RFX7: variants seen among roughly 807,000 people sequenced by gnomAD.
RFX7 encodes regulatory factor X7, also known as DNA-binding protein RFX7.
Under a neutral mutation model 111.8 loss-of-function variants are expected in RFX7, and 26 were observed. The observed-to-expected ratio is 0.23, with a 90% confidence interval of 0.17 to 0.32. The LOEUF (loss-of-function observed/expected upper bound fraction) is 0.32. Ranked by LOEUF, RFX7 falls within the 10% of genes least tolerant of loss-of-function variation. RFX7 has a pLI of 1.00. For missense variants in RFX7, 1,573 were observed against 1,772.9 expected (o/e 0.89, Z 2.02); for synonymous variants, 624 against 624.4 (o/e 1.00, Z 0.01).
At chr15:56,113,827 T>C (rs1435666763) in intron 5 of RFX7, among the ~76,000 whole-genome samples, 1 of 152,230 alleles carries the variant, frequency 6.6e-6, no homozygotes, top group African/African-American at 2.4e-5. Context: ...TAGTGAGTCT[T>C]AGTATTCAAA....
At chr15:56,218,539 C>T (rs1461104998) in intron 2 of RFX7, among the ~76,000 whole-genome samples, 2 of 152,170 alleles carry the variant, frequency 1.3e-5, no homozygotes, top group African/African-American at 4.8e-5. Context: ...TATGGGGGTC[C>T]TGGAACCAAT....
At chr15:56,134,838 C>T (rs1225077993) in intron 5 of RFX7, among the ~76,000 whole-genome samples, 25 of 152,030 alleles carry the variant, frequency 1.6e-4, no homozygotes, top group African/African-American at 5.6e-4. Context: ...TTGTTCAATC[C>T]CCACCTATGA....
intron 3 of RFX7, among the ~76,000 whole-genome samples, 179 bp from the exon 4 acceptor site, chr15:56,144,662 A>G (rs1453835776): frequency 6.6e-6 from 1 of 152,158 alleles, no homozygotes; most frequent in Non-Finnish European, 1.5e-5. Flanking sequence ...TTTATTGCAT[A>G]CAAAAATTTA....
chr15:56,119,971 A>G (rs2042055999), intron 5 of RFX7, among the ~76,000 whole-genome samples: 1 of 151,974 alleles, frequency 6.6e-6, no homozygotes, highest in South Asian at 2.1e-4. Flanking sequence ...TTTGCTTAGG[A>G]TATCTCTGGC....
At chr15:56,169,957 C>G (rs1567035411) in intron 3 of RFX7, among the ~76,000 whole-genome samples, 2 of 151,768 alleles carry the variant, frequency 1.3e-5, no homozygotes, top group Non-Finnish European at 2.9e-5. Flanking sequence ...AATGAGTTAT[C>G]TTTACTTATT....
chr15:56,190,108 T>G (rs1347179745), intron 2 of RFX7, among the ~76,000 whole-genome samples: 2 of 152,256 alleles, frequency 1.3e-5, no homozygotes, highest in African/African-American at 4.8e-5. Flanking sequence ...TATATGATTT[T>G]ACTTATATGA....
rs1425672369 is a variant in RFX7, at chr15:56,095,501, C to T, written c.2227G>A (p.Ala743Thr). Residue 743 changes from alanine (A) to threonine (T), a missense_variant, in exon 10 of 10, where the codon GCT (alanine) becomes ACT (threonine). Coordinates refer to ENST00000559447, the MANE Select transcript of RFX7 (RefSeq NM_022841.7). ...NSSALVISDS[A>T]LEQQTTPSSS... ...GATGGGGTTGTTTGCTGTTCCAAAG[C>T]TGAATCACTGATAACAAGGGCAGAG... 6.2e-7 allele frequency: 1 copy of T among 1,612,986 alleles called. No individual in the cohort carries two copies. The highest frequency in any genetic ancestry group is 2.2e-5 in the East Asian group (1 of 44,882).
chr15:56,103,614 A>G lies in RFX7; in HGVS notation c.458T>C (p.Ile153Thr), dbSNP rs763998510. 2.1e-5 allele frequency: 33 copies of G among 1,606,098 alleles called. No homozygotes were observed. The highest frequency in any genetic ancestry group is 2.0e-5 in the Non-Finnish European group (23 of 1,176,130). ...HPLSAADFGK[I>T]MKNVFPNMKA... ...CATGTTTGGAAAGACGTTTTTCATG[A>G]TCTTTCCAAAATCAGCAGCACTTAA... Residue 153 changes from isoleucine to threonine, a missense_variant, in exon 6 of 10, where the codon ATC (isoleucine) becomes ACC (threonine). By Grantham distance (89) the Ile-to-Thr change is moderately conservative. Around this residue, in one of 7 missense-constraint regions of RFX7, gnomAD observed 191 missense variants for 194.2 expected, o/e 0.98. Coordinates refer to ENST00000559447, the MANE Select transcript of RFX7 (RefSeq NM_022841.7).
At chr15:56,242,994 C>T (rs1384793701) in intron 2 of RFX7, 131 bp downstream of exon 2, 8 of 679,528 alleles carry the variant, frequency 1.2e-5, no homozygotes, top group Non-Finnish European at 1.8e-5. Context: ...AATGTGCACC[C>T]GACTGGGGAA....
rs191404676 is a variant in RFX7 at position 56,087,561 on chromosome 15, G to C, written c.*5784C>G. On this transcript the variant is annotated 3_prime_UTR_variant, in exon 10 of 10. Coordinates refer to ENST00000559447, the MANE Select transcript of RFX7 (RefSeq NM_022841.7). ...TTGGTTACATCTCTTTGAGTACTTGGTAAGTGTCTCCACTTAACTGCAAGG... is the reference window on the plus strand; with the variant it reads ...TTGGTTACATCTCTTTGAGTACTTGCTAAGTGTCTCCACTTAACTGCAAGG... The C allele has an allele frequency of 5.7e-5, 26 of 456,672 alleles. No individual in the cohort carries two copies. The highest frequency in any genetic ancestry group is 3.4e-4 in the African/African-American group (17 of 50,206). 28.3% of individuals were successfully genotyped at this position (456,672 alleles called of 1,614,324 possible).
chr15:56,131,085 A>C (rs764136340), intron 5 of RFX7, among the ~76,000 whole-genome samples: 3 of 151,752 alleles, frequency 2.0e-5, no homozygotes, highest in Non-Finnish European at 4.4e-5. Flanking sequence ...CCTAACCCTG[A>C]TATCAAAACC....
At chr15:56,182,574 C>A (rs776109337) in intron 2 of RFX7, among the ~76,000 whole-genome samples, 3 of 152,098 alleles carry the variant, frequency 2.0e-5, no homozygotes, top group African/African-American at 4.8e-5. Flanking sequence ...TTCTGTGAAG[C>A]TTTTAAATGT....
At position 56,094,130 on chromosome 15, in the gene RFX7, C is replaced by T. The variant is rs778210565; in HGVS notation, c.3598G>A (p.Val1200Ile). The change falls in exon 10 of 10, where the codon GTT (valine) becomes ATT (isoleucine). Residue 1200 changes from valine to isoleucine, a missense_variant. By Grantham distance (29) the Val-to-Ile change is conservative. Around this residue, in one of 7 missense-constraint regions of RFX7, gnomAD observed 411 missense variants for 478.1 expected, o/e 0.86. Transcript: ENST00000559447. The part of the protein sequence containing the change: ...RSNVTPFGSP[V>I]TPEVHVFTNV... Reference sequence around the variant, plus strand: ...GTGAAAACATGAACTTCTGGGGTAACTGGACTTCCAAAGGGGGTCACATTA... The same window carrying T: ...GTGAAAACATGAACTTCTGGGGTAATTGGACTTCCAAAGGGGGTCACATTA... The T allele has an allele frequency of 5.0e-6, 8 of 1,614,006 alleles. No individual in the cohort carries two copies. In the Admixed American group the frequency reaches 1.3e-4, roughly 27 times the overall value.
At chr15:56,128,935 A>G (rs2042178576) in intron 5 of RFX7, among the ~76,000 whole-genome samples, 1 of 152,310 alleles carries the variant, frequency 6.6e-6, no homozygotes, top group Admixed American at 6.5e-5. Context: ...TGTTATTAAA[A>G]ATAATTCCAC....
chr15:56,209,580 A>G (rs2043290017), intron 2 of RFX7, among the ~76,000 whole-genome samples: 1 of 152,146 alleles, frequency 6.6e-6, no homozygotes, highest in Non-Finnish European at 1.5e-5. Context: ...CAAAACAATC[A>G]CAGGAACAAT....
In RFX7 at chr15:56,094,026, T is replaced by C; in HGVS notation, c.3702A>G (p.Thr1234=). 5 of 1,614,006 alleles carry C rather than the reference T, an allele frequency of 3.1e-6. No homozygotes were observed. The highest frequency in any genetic ancestry group is 3.4e-6 in the Non-Finnish European group (4 of 1,179,878). Residue 1234 remains threonine (T), a synonymous_variant, in exon 10 of 10, where the codon ACA becomes ACG. Transcript: ENST00000559447. ...GCTTCTGAAGAGCGTTTGGGAAGGC[T>C]GTCTGCATCATGACTGTCAATGGAA... The part of the protein sequence containing the change: ...QSVPLTVMMQ[T]AFPNALQKQA...
intron 3 of RFX7, among the ~76,000 whole-genome samples, chr15:56,173,385 C>G (rs2042866420): frequency 6.6e-6 from 1 of 152,172 alleles, no homozygotes; most frequent in Non-Finnish European, 1.5e-5. Flanking sequence ...CTCAAATGCT[C>G]AAAAACCATA....
chr15:56,131,021 G>A (rs2042204880), intron 5 of RFX7, among the ~76,000 whole-genome samples: 3 of 151,912 alleles, frequency 2.0e-5, no homozygotes, highest in Admixed American at 2.0e-4. Context: ...TATATAAACT[G>A]TTCCAGAGCA....
chr15:56,136,625 C>T (rs1157039964), intron 5 of RFX7, among the ~76,000 whole-genome samples: 1 of 151,976 alleles, frequency 6.6e-6, no homozygotes, highest in African/African-American at 2.4e-5. Context: ...TCCTGCCTGA[C>T]TGCCCTGGCC....
Sources: gnomAD v4.1 joint callset for allele counts (sites outside exome capture counted in the v4.1 genomes callset) on GRCh38, gnomAD v4.1.1 for gene constraint, gnomAD v4.1.1 regional missense constraint, MANE v1.5 for transcripts, NCBI Gene and HGNC (gene_info 2026-07-23, HGNC 2026-07-21) for gene names.